KIAA1217: variants seen among roughly 807,000 people sequenced by gnomAD.
The protein encoded by KIAA1217 is KIAA1217.
In KIAA1217, 88 loss-of-function variants were observed where a neutral mutation model predicts 163.9. The observed-to-expected ratio is 0.54, with a 90% confidence interval of 0.45 to 0.64. KIAA1217 has a LOEUF of 0.64. Ranked by LOEUF, KIAA1217 falls within the 30% of genes least tolerant of loss-of-function variation. The pLI is 0.00. For missense variants in KIAA1217, 2,372 were observed against 2,475.0 expected (o/e 0.96, Z 0.88); for synonymous variants, 903 against 923.1 (o/e 0.98, Z 0.39).
At chr10:24,462,895 T>C (rs1405402485) in intron 5 of KIAA1217, among the ~76,000 whole-genome samples, 1 of 152,174 alleles carries the variant, frequency 6.6e-6, no homozygotes, top group Non-Finnish European at 1.5e-5. Context: ...AAAGTTGTAG[T>C]TGGGTGCCGC....
rs181328103 is a variant in KIAA1217 at position 24,101,526 on chromosome 10, G to C, written c.-171+94152G>C. On this transcript the variant is annotated intron_variant, in intron 2 of 18. Coordinates refer to the KIAA1217 transcript ENST00000376462. Reference sequence around the variant, plus strand: ...TGAAAATGATTTTTTAATGTTTGCTGTTTTCATTTATTCATATTCTGTTTG... The same window carrying C: ...TGAAAATGATTTTTTAATGTTTGCTCTTTTCATTTATTCATATTCTGTTTG... 1.5e-3 allele frequency among the ~76,000 whole-genome samples: 231 copies of C among 152,068 alleles called. 1 individual carries two copies. Among genetic ancestry groups the C allele is most frequent in the African/African-American group, 5.4e-3 (226 of 41,500 alleles).
intron 1 of KIAA1217, among the ~76,000 whole-genome samples, chr10:24,215,316 G>T (rs999363422): frequency 6.6e-6 from 1 of 152,172 alleles, no homozygotes; most frequent in Admixed American, 6.5e-5. Flanking sequence ...AGGGAAACAG[G>T]ACTGCCTTTC....
intron 6 of KIAA1217, among the ~76,000 whole-genome samples, 167 bp downstream of exon 6, chr10:24,474,227 G>C (rs187479407): frequency 2.0e-5 from 3 of 152,270 alleles, no homozygotes; most frequent in African/African-American, 7.2e-5. Flanking sequence ...ACCATTGTCT[G>C]CAAATAGTTT....
chr10:24,534,294 A>C (rs774284563), intron 16 of KIAA1217, among the ~76,000 whole-genome samples: 1 of 152,106 alleles, frequency 6.6e-6, no homozygotes, highest in Non-Finnish European at 1.5e-5. Context: ...CTTCACTAAA[A>C]CTCACAGACT....
intron 1 of KIAA1217, among the ~76,000 whole-genome samples, chr10:23,711,957 AG>A (rs1280813840): frequency 6.6e-6 from 1 of 152,172 alleles, no homozygotes; most frequent in African/African-American, 2.4e-5. Flanking sequence ...AGTGAGTCAC[AG>A]GAGGATGCCA....
At chr10:23,768,512 T>A (rs1465006433) in intron 1 of KIAA1217, among the ~76,000 whole-genome samples, 1 of 152,238 alleles carries the variant, frequency 6.6e-6, no homozygotes, top group Non-Finnish European at 1.5e-5. Context: ...ATCAGTGAAA[T>A]TTCCTGTGCT....
At chr10:24,520,695 A>C (rs1196348592) in intron 11 of KIAA1217, among the ~76,000 whole-genome samples, 6 of 96,770 alleles carry the variant, frequency 6.2e-5, no homozygotes, top group African/African-American at 1.7e-4. Flanking sequence ...CACAAAAAAA[A>C]ATTAGCCAGG....
chr10:23,987,603 T>TTGTGTG (rs568995756), intron 1 of KIAA1217, among the ~76,000 whole-genome samples: 22 of 121,296 alleles, frequency 1.8e-4, no homozygotes, highest in East Asian at 8.7e-4. Flanking sequence ...ACATTCTTAT[T>TTGTGTG]TGTGTGTGTG....
At chr10:23,710,074 T>C (rs919945154) in intron 1 of KIAA1217, among the ~76,000 whole-genome samples, 17 of 152,090 alleles carry the variant, frequency 1.1e-4, no homozygotes, top group Non-Finnish European at 1.5e-5. Flanking sequence ...GCAAAGTGAG[T>C]GAATGAATGA....
intron 1 of KIAA1217, among the ~76,000 whole-genome samples, chr10:23,825,438 A>G (rs1837854667): frequency 6.6e-6 from 1 of 152,206 alleles, no homozygotes; most frequent in South Asian, 2.1e-4. Flanking sequence ...ATTAATCTAT[A>G]TTGATGAACA....
intron 17 of KIAA1217, among the ~76,000 whole-genome samples, chr10:24,538,598 A>AAGGAAAAAGAG (rs2074432368): frequency 6.7e-5 from 5 of 75,158 alleles, no homozygotes; most frequent in African/African-American, 2.8e-4. Flanking sequence ...GGAAGGAAGG[A>AAGGAAAAAGAG]AGGAAGGAAA....
intron 2 of KIAA1217, among the ~76,000 whole-genome samples, chr10:24,375,387 G>C (rs1016617555): frequency 2.0e-5 from 3 of 152,214 alleles, no homozygotes; most frequent in African/African-American, 7.2e-5. Flanking sequence ...AGCAAATTTA[G>C]AAGCGTAGAG....
intron 2 of KIAA1217, among the ~76,000 whole-genome samples, chr10:24,185,107 C>T (rs761750439): frequency 1.1e-4 from 17 of 152,136 alleles, no homozygotes; most frequent in Non-Finnish European, 1.6e-4. Flanking sequence ...TCTCTATTCT[C>T]CACCAATCTC....
At chr10:24,213,987 CA>C (rs5783880) in intron 1 of KIAA1217, among the ~76,000 whole-genome samples, 2 of 150,452 alleles carry the variant, frequency 1.3e-5, no homozygotes, top group East Asian at 2.0e-4. Flanking sequence ...CCCATCTCTA[CA>C]AAAAAAAATG....
Position 24,508,318 on chromosome 10 carries a change from C to T in KIAA1217, c.2002-4941C>T, listed in dbSNP as rs531152938. ...AATTTAGCATCAATGATAAAAACAG[C>T]GCTCTAGAAGTAGAAGGAAGCTTCC... On this transcript the variant is annotated intron_variant, in intron 9 of 20. Transcript: ENST00000376454. Among the ~76,000 whole-genome samples, 8 of 152,178 alleles carry T rather than the reference C, an allele frequency of 5.3e-5. No individual in the cohort carries two copies. In the East Asian group the frequency reaches 7.7e-4, roughly 15 times the overall value.
chr10:24,480,895 A>G, intron 6 of KIAA1217, among the ~76,000 whole-genome samples: 1 of 152,188 alleles, frequency 6.6e-6, no homozygotes. Flanking sequence ...TCATTTCAGG[A>G]AAGTAGCCAG....
intron 1 of KIAA1217, among the ~76,000 whole-genome samples, chr10:23,932,602 C>T (rs909936606): frequency 3.9e-5 from 6 of 152,160 alleles, no homozygotes; most frequent in Non-Finnish European, 5.9e-5. Flanking sequence ...ACCCTATTCT[C>T]ATGGAGCATT....
chr10:24,109,996 G>T (rs1589532539), intron 2 of KIAA1217, among the ~76,000 whole-genome samples: 1 of 152,302 alleles, frequency 6.6e-6, no homozygotes, highest in East Asian at 1.9e-4. Flanking sequence ...CTCCCAAGTA[G>T]TTGGGACTAC....
Position 24,546,179 on chromosome 10 carries a change from C to T in KIAA1217, c.5687C>T (p.Ser1896Phe). ...CCCCCTCCTTTGTCATTTTCCTCCT[C>T]CCCTCCTTCTCCTGCCTCCTCCGTC... ...RAPPPLSFSS[S>F]PPSPASSVSL... Residue 1896 changes from serine to phenylalanine, a missense_variant, in exon 21 of 21, where the codon TCC (serine) becomes TTC (phenylalanine). Ser to Phe is a radical substitution (Grantham distance 155). Transcript: ENST00000376454. 6.2e-7 allele frequency: 1 copy of T among 1,614,154 alleles called. No homozygotes were observed. Among genetic ancestry groups the T allele is most frequent in the Non-Finnish European group, 8.5e-7 (1 of 1,180,024 alleles).
Sources: gnomAD v4.1 joint callset for allele counts (sites outside exome capture counted in the v4.1 genomes callset) on GRCh38, gnomAD v4.1.1 for gene constraint, MANE v1.5 for transcripts, NCBI Gene and HGNC (gene_info 2026-07-23, HGNC 2026-07-21) for gene names.